PXN: variants seen among roughly 807,000 people sequenced by gnomAD.
The protein encoded by PXN is paxillin, also known as testicular tissue protein Li 134.
Under a neutral mutation model 103.6 loss-of-function variants are expected in PXN, and 61 were observed. The observed-to-expected ratio is 0.59, with a 90% confidence interval of 0.48 to 0.73. The LOEUF (loss-of-function observed/expected upper bound fraction) is 0.73. Among genes scored for constraint, PXN ranks in the 30% least tolerant of loss-of-function variants. PXN has a pLI of 0.00. For synonymous variants in PXN, 562 were observed against 607.8 expected, an observed-to-expected ratio of 0.92 and a Z score of 1.11; for missense variants, 1,274 against 1,460.3, an observed-to-expected ratio of 0.87 and a Z score of 2.08.
At chr12:120,258,347 C>T (rs1441734965) in intron 1 of PXN, among the ~76,000 whole-genome samples, 2 of 152,186 alleles carry the variant, frequency 1.3e-5, no homozygotes, top group African/African-American at 4.8e-5. Flanking sequence ...CACCTATGGA[C>T]ACACACTGTC....
intron 1 of PXN, among the ~76,000 whole-genome samples, chr12:120,233,276 C>T (rs73415016): frequency 1.4e-3 from 216 of 152,296 alleles, no homozygotes; most frequent in African/African-American, 5.0e-3. Context: ...CATCCTCCTG[C>T]TCCTGAATCC....
In PXN at chr12:120,212,877, G is replaced by A. The variant is rs1880766944; in HGVS notation, c.2980-297C>T. 2 of 293,714 alleles carry A rather than the reference G, an allele frequency of 6.8e-6. No individual in the cohort carries two copies. The highest frequency in any genetic ancestry group is 1.2e-4 in the South Asian group (2 of 16,832). The allele number at this position is 293,714 out of a possible 1,614,324, so 18.2% of individuals were successfully genotyped here. On this transcript the variant is annotated intron_variant, in intron 14 of 14. Coordinates refer to ENST00000637617, the MANE Select transcript of PXN (RefSeq NM_001385981.1). This position sits in a 1 kb window ranked among gnomAD's most constrained non-coding sequence, Gnocchi z 7.2. Reference sequence around the variant, plus strand: ...ATTATTTAGTTCTCCCAACAGGGGAGGCAACTGAAGCACACAGGTGAAGTA... The same window carrying A: ...ATTATTTAGTTCTCCCAACAGGGGAAGCAACTGAAGCACACAGGTGAAGTA...
chr12:120,222,418 T>C lies in PXN; in HGVS notation c.695+131A>G, dbSNP rs1885447343. 3 of 1,044,106 alleles carry C rather than the reference T, an allele frequency of 2.9e-6. No homozygotes were observed. The highest frequency in any genetic ancestry group is 3.4e-5 in the South Asian group (2 of 59,390). The allele number at this position is 1,044,106 out of a possible 1,614,324, so 64.7% of individuals were successfully genotyped here. A position where few individuals can be genotyped will look rare whatever the true frequency, so the allele number is the denominator to read the frequency against. On this transcript the variant is annotated intron_variant, in intron 5 of 14. Transcript: ENST00000637617. This position sits in a 1 kb window ranked among gnomAD's most constrained non-coding sequence, Gnocchi z 4.7. The stretch of plus-strand genomic sequence containing the variant: ...ATGGTGTCCATGTGACTCACCACTA[T>C]CCCCCCAGTGCCTGGCAAATGGCAG...
At chr12:120,255,565 G>T (rs1892867026) in intron 1 of PXN, among the ~76,000 whole-genome samples, 1 of 152,032 alleles carries the variant, frequency 6.6e-6, no homozygotes, top group Non-Finnish European at 1.5e-5. Context: ...ATGGTGGCGG[G>T]CGCCTGTAGT....
Position 120,221,591 on chromosome 12 carries a change from AG to A in PXN, c.831+31del. 1 of 1,543,636 alleles carries A rather than the reference AG, an allele frequency of 6.5e-7. No individual in the cohort carries two copies. On this transcript the variant is annotated intron_variant, in intron 6 of 14. Transcript: ENST00000637617. This position sits in a 1 kb window ranked among gnomAD's most constrained non-coding sequence, Gnocchi z 6.6. Reference sequence around the variant, plus strand: ...AGGAGAAGGATGAGGGAGGGGCGGCAGGGCAGGGAAGATGGAGGGTTCACAG... The same window carrying A: ...AGGAGAAGGATGAGGGAGGGGCGGCAGGCAGGGAAGATGGAGGGTTCACAG...
In PXN at chr12:120,265,511, G is replaced by A. The variant is rs1489308593; in HGVS notation, c.13+106C>T. 2 of 1,309,140 alleles carry A rather than the reference G, an allele frequency of 1.5e-6. No individual in the cohort carries two copies. The highest frequency in any genetic ancestry group is 9.9e-7 in the Non-Finnish European group (1 of 1,005,878). The allele number at this position is 1,309,140 out of a possible 1,614,324, so 81.1% of individuals were successfully genotyped here. A position where few individuals can be genotyped will look rare whatever the true frequency, so the allele number is the denominator to read the frequency against. ...CGGCAGGGACAGGAGCTGAGGCCGG[G>A]GCCGCCGAGGGTGGGATCCCGCGGC... On this transcript the variant is annotated intron_variant, in intron 1 of 14. Coordinates refer to ENST00000637617, the MANE Select transcript of PXN (RefSeq NM_001385981.1). This position sits in a 1 kb window ranked among gnomAD's most constrained non-coding sequence, Gnocchi z 5.7.
rs1049913131 is a variant in PXN, at chr12:120,260,051, C to T, written c.13+5566G>A. Among the ~76,000 whole-genome samples, 28 of 152,314 alleles carry T rather than the reference C, an allele frequency of 1.8e-4. 1 individual carries two copies. The highest frequency in any genetic ancestry group is 1.0e-3 in the Admixed American group (16 of 15,298). On this transcript the variant is annotated intron_variant, in intron 1 of 14. Transcript: ENST00000637617. ...GGAGGTGGCAAGGGACCACAGGGGA[C>T]CTGCCCCAGGTTCTCCTTGGCAGTG...
At chr12:120,250,973 G>A (rs1484461665) in intron 1 of PXN, among the ~76,000 whole-genome samples, 1 of 152,204 alleles carries the variant, frequency 6.6e-6, no homozygotes, top group African/African-American at 2.4e-5. Context: ...GGAGGCCGAG[G>A]TGAGCAGATC....
chr12:120,217,593 G>T lies in PXN; in HGVS notation c.1717-477C>A, dbSNP rs1252635376. Among the ~76,000 whole-genome samples the T allele has an allele frequency of 4.2e-5, 6 of 142,246 alleles. No individual in the cohort carries two copies. The East Asian group carries it at 7.9e-4, about 19-fold the overall frequency. The allele number at this position is 142,246 out of a possible 152,430, so 93.3% of individuals were successfully genotyped here. ...TGTTTCCTTCCAGGAACTTTTTTTT[G>T]GGGGGGGACAGAGTCTCGCTCTGTC... On this transcript the variant is annotated intron_variant, in intron 7 of 14. Transcript: ENST00000637617. This position sits in a 1 kb window ranked among gnomAD's most constrained non-coding sequence, Gnocchi z 4.1.
chr12:120,251,829 A>C (rs1311910906), intron 1 of PXN, among the ~76,000 whole-genome samples: 1 of 149,822 alleles, frequency 6.7e-6, no homozygotes, highest in Non-Finnish European at 1.5e-5. Flanking sequence ...AAATAAATAA[A>C]CAAACAAACA....
At chr12:120,230,473 C>T (rs559665843) in intron 1 of PXN, among the ~76,000 whole-genome samples, 4 of 152,302 alleles carry the variant, frequency 2.6e-5, no homozygotes, top group East Asian at 1.9e-4. Context: ...CAGTTGCCCA[C>T]GCTCAGGGAT....
At chr12:120,253,838 A>G (rs989385598) in intron 1 of PXN, among the ~76,000 whole-genome samples, 6 of 152,194 alleles carry the variant, frequency 3.9e-5, no homozygotes, top group African/African-American at 1.4e-4. Flanking sequence ...AAAACATTGC[A>G]TGATCTCACT....
chr12:120,241,633 G>A (rs1198549074), intron 1 of PXN, among the ~76,000 whole-genome samples: 1 of 152,238 alleles, frequency 6.6e-6, no homozygotes, highest in Non-Finnish European at 1.5e-5. Flanking sequence ...CCCTGAAAGC[G>A]GCAGTGGGCC....
At chr12:120,235,180 C>G (rs1381432834) in intron 1 of PXN, among the ~76,000 whole-genome samples, 1 of 152,076 alleles carries the variant, frequency 6.6e-6, no homozygotes, top group Non-Finnish European at 1.5e-5. Context: ...AACCCAGAAT[C>G]GCAACAATAG....
At chr12:120,242,724 A>G (rs1890367524) in intron 1 of PXN, among the ~76,000 whole-genome samples, 1 of 152,108 alleles carries the variant, frequency 6.6e-6, no homozygotes, top group Non-Finnish European at 1.5e-5. Flanking sequence ...TGTCTCTACT[A>G]AAAATACAAA....
intron 1 of PXN, chr12:120,226,322 C>A (rs1222042188): frequency 1.6e-6 from 2 of 1,289,226 alleles, no homozygotes; most frequent in African/African-American, 3.0e-5. Flanking sequence ...AGCTGCCATC[C>A]TTGAAGGCCC....
Position 120,222,717 on chromosome 12 carries a change from G to C in PXN, c.527C>G (p.Ala176Gly), listed in dbSNP as rs1246013011. Residue 176 changes from alanine to glycine, a missense_variant, in exon 5 of 15, where the codon GCC (alanine) becomes GGC (glycine). Transcript: ENST00000637617. The surrounding 1 kb of genome is among the most constrained non-coding windows in gnomAD (Gnocchi z 4.7). ...EANSSPPLPG[A>G]LSPLYGVPET... Reference sequence around the variant, plus strand: ...TGGGACACCATAGAGGGGGCTCAGGGCCCCAGGAAGCGGGGGGCTTGAGTT... The same window carrying C: ...TGGGACACCATAGAGGGGGCTCAGGCCCCCAGGAAGCGGGGGGCTTGAGTT... The C allele has an allele frequency of 6.2e-7, 1 of 1,608,608 alleles. No individual in the cohort carries two copies. The highest frequency in any genetic ancestry group is 1.1e-5 in the South Asian group (1 of 90,204).
chr12:120,223,718 C>T lies in PXN; in HGVS notation c.356G>A (p.Ser119Asn), dbSNP rs766959103. ...TGCCCTGGGCAGACTGGGGCAGTAC[C>T]TGTAGACGTGCTCCTCCTCACCCAC... The part of the protein sequence containing the change: ...SRVGEEEHVY[S>N]FPNKQKSAEP... Residue 119 changes from serine (S) to asparagine (N), a missense_variant and splice_region_variant, in exon 3 of 15, where the codon AGC becomes AAC. Around this residue, in one of 2 missense-constraint regions of PXN, gnomAD observed 1,178 missense variants for 1,309.0 expected, o/e 0.90. Transcript: ENST00000637617. 2 of 1,578,506 alleles carry T rather than the reference C, an allele frequency of 1.3e-6. No homozygotes were observed. Among genetic ancestry groups the T allele is most frequent in the East Asian group, 2.3e-5 (1 of 43,210 alleles).
intron 1 of PXN, among the ~76,000 whole-genome samples, chr12:120,232,375 G>A (rs1354055800): frequency 6.6e-6 from 1 of 152,066 alleles, no homozygotes; most frequent in Non-Finnish European, 1.5e-5. Flanking sequence ...AGAATCAGTG[G>A]GCCCTCCCTC....
Sources: allele counts gnomAD v4.1 joint callset (sites outside exome capture counted in the v4.1 genomes callset), GRCh38; gene constraint gnomAD v4.1.1; regional missense constraint gnomAD v4.1.1; non-coding constraint Gnocchi (gnomAD v3.1); transcripts MANE v1.5; gene names NCBI Gene and HGNC (gene_info 2026-07-23, HGNC 2026-07-21).